RAB2A: variants seen among roughly 807,000 people sequenced by gnomAD.
RAB2A encodes the protein RAB2A, member RAS oncogene family.
In RAB2A, 7 loss-of-function variants were observed where a neutral mutation model predicts 32.5. That is an observed-to-expected ratio of 0.22 (90% CI 0.12 to 0.40). The LOEUF is 0.40. RAB2A is among the 10% of genes least tolerant of loss of function. The pLI, the probability that RAB2A is intolerant of heterozygous loss-of-function variation, is 1.00. For missense variants in RAB2A, 108 were observed against 260.7 expected (o/e 0.41, Z 4.03); for synonymous variants, 79 against 85.2 (o/e 0.93, Z 0.40).
intron 1 of RAB2A, among the ~76,000 whole-genome samples, chr8:60,554,101 C>G (rs1274196782): frequency 6.6e-6 from 1 of 152,120 alleles, no homozygotes; most frequent in Non-Finnish European, 1.5e-5. Context: ...TTTTGAAGAG[C>G]TTGAATTTTT....
At chr8:60,517,332 G>A in intron 1 of RAB2A, 79 bp downstream of exon 1, 12 of 1,290,112 alleles carry the variant, frequency 9.3e-6, no homozygotes, top group Non-Finnish European at 1.2e-5. Flanking sequence ...TCTGGCGGTG[G>A]CGGGGACGCG....
In RAB2A at chr8:60,563,361, T is replaced by G. The variant is rs573297580; in HGVS notation, c.118+4438T>G. Among the ~76,000 whole-genome samples, 11 of 152,356 alleles carry G rather than the reference T, an allele frequency of 7.2e-5. No homozygotes were observed. In the South Asian group the frequency reaches 1.4e-3, roughly 20 times the overall value. On this transcript the variant is annotated intron_variant, in intron 2 of 7. Coordinates refer to ENST00000262646, the MANE Select transcript of RAB2A (RefSeq NM_002865.3). ...AAAGATGGTTCATGTGCTGTTGTGC[T>G]GGACCAGCAGCAGCATCAGTATCAC... is the stretch of plus-strand genomic sequence containing the variant.
At chr8:60,538,014 A>G (rs577830147) in intron 1 of RAB2A, among the ~76,000 whole-genome samples, 1 of 152,254 alleles carries the variant, frequency 6.6e-6, no homozygotes, top group South Asian at 2.1e-4. Flanking sequence ...TTTTTCTTAA[A>G]CATTCTAGCC....
At chr8:60,602,266 G>A (rs975493089) in intron 6 of RAB2A, among the ~76,000 whole-genome samples, 5 of 152,122 alleles carry the variant, frequency 3.3e-5, no homozygotes, top group East Asian at 1.9e-4. Flanking sequence ...AGTTACCACC[G>A]TGTAGACATT....
intron 1 of RAB2A, among the ~76,000 whole-genome samples, chr8:60,525,176 C>A (rs577542029): frequency 1.5e-4 from 23 of 152,298 alleles, no homozygotes; most frequent in Middle Eastern, 6.8e-3. Flanking sequence ...GTAGTCCCCA[C>A]GTGTTGAGGG....
At chr8:60,560,656 G>A (rs1165534320) in intron 2 of RAB2A, among the ~76,000 whole-genome samples, 4 of 152,114 alleles carry the variant, frequency 2.6e-5, no homozygotes, top group African/African-American at 9.7e-5. Flanking sequence ...CCCACAACCT[G>A]CATGCAGCCC....
intron 5 of RAB2A, among the ~76,000 whole-genome samples, chr8:60,591,099 TAAATA>T (rs1232476636): frequency 7.0e-6 from 1 of 143,822 alleles, no homozygotes; most frequent in Non-Finnish European, 1.5e-5. Context: ...CATGTAATAA[TAAATA>T]ATATATAAAA....
chr8:60,563,225 G>T (rs114025454), intron 2 of RAB2A, among the ~76,000 whole-genome samples: 115 of 152,264 alleles, frequency 7.6e-4, no homozygotes, highest in Non-Finnish European at 1.4e-3. Flanking sequence ...GTTTTTAAAA[G>T]CCTCTATACA....
At chr8:60,595,141 A>G (rs76397337) in intron 6 of RAB2A, among the ~76,000 whole-genome samples, 1 of 152,230 alleles carries the variant, frequency 6.6e-6, no homozygotes, top group Non-Finnish European at 1.5e-5. Flanking sequence ...AAATGATTGA[A>G]GAAAGAATCT....
chr8:60,619,952 G>A lies in RAB2A; in HGVS notation c.544-722G>A, dbSNP rs527448334. Among the ~76,000 whole-genome samples, 11 of 152,338 alleles carry A rather than the reference G, an allele frequency of 7.2e-5. No homozygotes were observed. The South Asian group carries it at 2.3e-3, about 32-fold the overall frequency. The stretch of plus-strand genomic sequence containing the variant: ...AAAAGAGCGAAAAGAAACCACATCA[G>A]CTGCTGTCAATACTGAGCTAGTGCC... On this transcript the variant is annotated intron_variant, in intron 7 of 7. Coordinates refer to ENST00000262646, the MANE Select transcript of RAB2A (RefSeq NM_002865.3).
intron 1 of RAB2A, chr8:60,552,653 T>C (rs1240276570): frequency 6.6e-6 from 1 of 152,222 alleles, no homozygotes; most frequent in African/African-American, 2.4e-5. Flanking sequence ...TTGATGATTG[T>C]CTGGCTCAAT....
At chr8:60,573,637 A>G (rs1032671450) in intron 3 of RAB2A, among the ~76,000 whole-genome samples, 3 of 152,200 alleles carry the variant, frequency 2.0e-5, no homozygotes, top group African/African-American at 4.8e-5. Flanking sequence ...ATCTCAAAAC[A>G]TTTGATTTAC....
At chr8:60,604,887 T>C (rs1804199345) in intron 6 of RAB2A, among the ~76,000 whole-genome samples, 1 of 152,158 alleles carries the variant, frequency 6.6e-6, no homozygotes, top group South Asian at 2.1e-4. Context: ...AAAGTCCATT[T>C]CAGGAGAGGA....
intron 2 of RAB2A, among the ~76,000 whole-genome samples, chr8:60,568,279 G>C (rs1041980422): frequency 2.0e-5 from 3 of 152,212 alleles, no homozygotes; most frequent in African/African-American, 7.2e-5. Flanking sequence ...GCATGCCCCA[G>C]CCTTACCTAG....
chr8:60,584,051 G>A, intron 3 of RAB2A, 157 bp from the exon 4 acceptor site: 1 of 602,674 alleles, frequency 1.7e-6, no homozygotes. Context: ...AGCAATAGCG[G>A]TGTTTTGTAA....
At chr8:60,518,596 C>CAA (rs59503766) in intron 1 of RAB2A, among the ~76,000 whole-genome samples, 481 of 45,488 alleles carry the variant, frequency 0.011, 103 homozygotes, top group South Asian at 0.019. Context: ...GTGGAGTTTG[C>CAA]AAAAAAAAAA....
At chr8:60,534,839 C>T (rs1371448900) in intron 1 of RAB2A, among the ~76,000 whole-genome samples, 2 of 152,164 alleles carry the variant, frequency 1.3e-5, no homozygotes, top group Non-Finnish European at 2.9e-5. Context: ...ATTCCCTTCC[C>T]CATTCTCTAA....
At chr8:60,545,832 C>G (rs1807718818) in intron 1 of RAB2A, among the ~76,000 whole-genome samples, 1 of 152,154 alleles carries the variant, frequency 6.6e-6, no homozygotes, top group Admixed American at 6.5e-5. Context: ...CAATGTTTTG[C>G]ACATCATTAA....
intron 2 of RAB2A, among the ~76,000 whole-genome samples, chr8:60,560,290 T>C (rs1283224246): frequency 1.3e-5 from 2 of 152,156 alleles, no homozygotes; most frequent in Admixed American, 6.5e-5. Flanking sequence ...TGTTTTGCCT[T>C]GTTGCCCAAG....
Sources: gnomAD v4.1 joint callset for allele counts (sites outside exome capture counted in the v4.1 genomes callset) on GRCh38, gnomAD v4.1.1 for gene constraint, MANE v1.5 for transcripts, NCBI Gene and HGNC (gene_info 2026-07-23, HGNC 2026-07-21) for gene names.